LDLRAD3: variants seen among roughly 807,000 people sequenced by gnomAD.
The protein encoded by LDLRAD3 is low-density lipoprotein receptor class A domain-containing protein 3.
LDLRAD3 carries 20 observed loss-of-function variants against 29.4 expected under a neutral mutation model. That is an observed-to-expected ratio of 0.68 (90% CI 0.48 to 0.99). The LOEUF (loss-of-function observed/expected upper bound fraction) is 0.99, where lower values mean the gene tolerates loss of function less well. Ranked by LOEUF, LDLRAD3 falls within the 50% of genes least tolerant of loss-of-function variation. The pLI, the probability that LDLRAD3 is intolerant of heterozygous loss-of-function variation, is 0.00. For missense variants in LDLRAD3, 420 were observed against 454.3 expected (o/e 0.92, Z 0.69); for synonymous variants, 157 against 192.7 (o/e 0.81, Z 1.53).
chr11:36,036,277 G>GGGGTGGCAGCCATCCTGGGGCA (rs1334350085), intron 2 of LDLRAD3, 28 bp downstream of exon 2: 14 of 1,613,486 alleles, frequency 8.7e-6, no homozygotes, highest in Non-Finnish European at 9.3e-6. Context: ...TTGCTGGGGT[G>GGGGTGGCAGCCATCCTGGGGCA]GGGTGGCAGC....
intron 4 of LDLRAD3, among the ~76,000 whole-genome samples, chr11:36,180,732 T>G (rs1182924793): frequency 1.3e-5 from 2 of 151,740 alleles, no homozygotes; most frequent in African/African-American, 4.8e-5. Context: ...GATGGGAGAC[T>G]CTGGCTGTAA....
chr11:36,203,165 C>T (rs189827429), intron 4 of LDLRAD3, among the ~76,000 whole-genome samples: 67 of 152,200 alleles, frequency 4.4e-4, no homozygotes, highest in African/African-American at 1.4e-3. Flanking sequence ...TACGGTAGTG[C>T]AATCATAGTT....
intron 4 of LDLRAD3, among the ~76,000 whole-genome samples, chr11:36,107,010 G>C (rs988647866): frequency 1.3e-5 from 2 of 152,068 alleles, no homozygotes; most frequent in African/African-American, 4.8e-5. Context: ...GAACTGACCC[G>C]GACCCACCCT....
chr11:36,203,889 CT>C (rs1855164786), intron 4 of LDLRAD3, among the ~76,000 whole-genome samples: 1 of 152,072 alleles, frequency 6.6e-6, no homozygotes, highest in African/African-American at 2.4e-5. Context: ...TCAGCTGTTA[CT>C]TTCTGGAATA....
At chr11:36,017,768 A>C (rs1224547988) in intron 1 of LDLRAD3, among the ~76,000 whole-genome samples, 2 of 151,802 alleles carry the variant, frequency 1.3e-5, no homozygotes, top group Non-Finnish European at 2.9e-5. Flanking sequence ...CAAGTGATCC[A>C]CCCGCTTGGC....
At chr11:36,010,413 C>G (rs1327679675) in intron 1 of LDLRAD3, among the ~76,000 whole-genome samples, 1 of 152,204 alleles carries the variant, frequency 6.6e-6, no homozygotes, top group African/African-American at 2.4e-5. Context: ...AGACCCAACT[C>G]TTTGATTCCC....
At chr11:36,020,145 G>C (rs1309354342) in intron 1 of LDLRAD3, among the ~76,000 whole-genome samples, 1 of 152,102 alleles carries the variant, frequency 6.6e-6, no homozygotes, top group East Asian at 1.9e-4. Flanking sequence ...GACTACATTT[G>C]AATTTTTACT....
intron 1 of LDLRAD3, among the ~76,000 whole-genome samples, chr11:35,950,159 G>A (rs1851112900): frequency 6.6e-6 from 1 of 152,046 alleles, no homozygotes; most frequent in Non-Finnish European, 1.5e-5. Context: ...ATCTGGGAAG[G>A]GTAGAGGCTC....
At chr11:36,201,419 A>G (rs1590351700) in intron 4 of LDLRAD3, among the ~76,000 whole-genome samples, 1 of 152,232 alleles carries the variant, frequency 6.6e-6, no homozygotes, top group Non-Finnish European at 1.5e-5. Context: ...CAGATTTGCC[A>G]TAATGCCTGG....
intron 4 of LDLRAD3, among the ~76,000 whole-genome samples, chr11:36,174,632 C>A (rs1854645290): frequency 6.6e-6 from 1 of 152,156 alleles, no homozygotes; most frequent in African/African-American, 2.4e-5. Flanking sequence ...CATCACTGGC[C>A]ATCAGAGAAA....
chr11:35,958,025 G>T (rs988886929), intron 1 of LDLRAD3, among the ~76,000 whole-genome samples: 2 of 152,122 alleles, frequency 1.3e-5, no homozygotes, highest in African/African-American at 4.8e-5. Flanking sequence ...TTATAGTGGT[G>T]AAACACTGGA....
At chr11:36,121,494 T>C (rs1223606767) in intron 4 of LDLRAD3, among the ~76,000 whole-genome samples, 1 of 152,174 alleles carries the variant, frequency 6.6e-6, no homozygotes, top group Non-Finnish European at 1.5e-5. Context: ...TACCCTGTCC[T>C]GTAAAACAGC....
chr11:36,180,439 A>G (rs887493353), intron 4 of LDLRAD3, among the ~76,000 whole-genome samples: 1 of 152,174 alleles, frequency 6.6e-6, no homozygotes, highest in Admixed American at 6.5e-5. Context: ...TCATGGACGT[A>G]TAGTCTAGAG....
At chr11:36,161,061 C>G (rs546382172) in intron 4 of LDLRAD3, among the ~76,000 whole-genome samples, 2 of 152,288 alleles carry the variant, frequency 1.3e-5, no homozygotes, top group East Asian at 3.9e-4. Context: ...TCCCAAAGTG[C>G]TGGGATTACA....
chr11:36,124,610 T>G (rs1415664277), intron 4 of LDLRAD3, among the ~76,000 whole-genome samples: 1 of 152,072 alleles, frequency 6.6e-6, no homozygotes, highest in Non-Finnish European at 1.5e-5. Flanking sequence ...CTACATACCC[T>G]GTATGTTCTA....
chr11:36,092,006 A>G (rs1442631006), intron 3 of LDLRAD3, among the ~76,000 whole-genome samples: 1 of 152,104 alleles, frequency 6.6e-6, no homozygotes, highest in Non-Finnish European at 1.5e-5. Flanking sequence ...ATGTAGTGAA[A>G]TCTGAGCTGT....
chr11:35,980,087 T>C lies in LDLRAD3; in HGVS notation c.46+35943T>C, dbSNP rs563718473. 2.0e-5 allele frequency among the ~76,000 whole-genome samples: 3 copies of C among 152,356 alleles called. No homozygotes were observed. In the East Asian group the frequency reaches 5.8e-4, roughly 29 times the overall value. On this transcript the variant is annotated intron_variant, in intron 1 of 5. Transcript: ENST00000315571. The stretch of plus-strand genomic sequence containing the variant: ...CTCCAGAGAAGTATTTTTATGAGAT[T>C]TATAATGTGTTTAGTAGCTCTCTAA...
chr11:36,034,161 A>G (rs1852275228), intron 1 of LDLRAD3, among the ~76,000 whole-genome samples: 1 of 152,060 alleles, frequency 6.6e-6, no homozygotes, highest in Admixed American at 6.5e-5. Flanking sequence ...ATTTATTTGA[A>G]TTTTGACTTT....
intron 1 of LDLRAD3, among the ~76,000 whole-genome samples, chr11:35,983,537 T>C (rs1466346842): frequency 6.6e-6 from 1 of 152,182 alleles, no homozygotes; most frequent in East Asian, 1.9e-4. Flanking sequence ...TAGACCCCTG[T>C]AGGGGGGTGT....
Sources: allele counts gnomAD v4.1 joint callset (sites outside exome capture counted in the v4.1 genomes callset), GRCh38; gene constraint gnomAD v4.1.1; transcripts MANE v1.5; gene names NCBI Gene and HGNC (gene_info 2026-07-23, HGNC 2026-07-21).